The following BTBD7 variants were observed in gnomAD, a reference collection of about 807,000 sequenced individuals.
The protein encoded by BTBD7 is BTB domain containing 7, also known as BTB/POZ domain-containing protein 7.
Under a neutral mutation model 99.9 loss-of-function variants are expected in BTBD7, and 38 were observed. That is an observed-to-expected ratio of 0.38 (90% CI 0.29 to 0.50). The LOEUF (loss-of-function observed/expected upper bound fraction) is 0.50, where lower values mean the gene tolerates loss of function less well. Among genes scored for constraint, BTBD7 ranks in the 20% least tolerant of loss-of-function variants. The pLI is 0.93. For missense variants in BTBD7, 1,170 were observed against 1,394.6 expected (o/e 0.84, Z 2.57); for synonymous variants, 520 against 511.4 (o/e 1.02, Z -0.23).
At position 93,332,631 on chromosome 14, in the gene BTBD7, CCGCCG is replaced by C. The variant is rs964344546; in HGVS notation, c.-107+184_-107+188del. Among the ~76,000 whole-genome samples the C allele has an allele frequency of 3.6e-4, 54 of 151,816 alleles. 1 individual carries two copies. The highest frequency in any genetic ancestry group is 1.2e-3 in the African/African-American group (51 of 41,492). ...CGCACAGAGACCGGCCAGTCCGGCG[CCGCCG>C]CGCCTCAGCCCCAGACGGACGACTG... On this transcript the variant is annotated intron_variant, in intron 1 of 10. Transcript: ENST00000334746.
chr14:93,324,059 C>T (rs1434652803), intron 1 of BTBD7, among the ~76,000 whole-genome samples: 2 of 152,294 alleles, frequency 1.3e-5, no homozygotes, highest in East Asian at 1.9e-4. Context: ...GAACATATGA[C>T]TATTGTGCAA....
chr14:93,288,846 T>G, intron 3 of BTBD7: 2 of 1,262,630 alleles, frequency 1.6e-6, no homozygotes, highest in Non-Finnish European at 2.1e-6. Flanking sequence ...CTCCAGTTTC[T>G]TCTTGTATTT....
chr14:93,262,091 T>C (rs151205289), intron 4 of BTBD7, among the ~76,000 whole-genome samples: 2,808 of 151,636 alleles, frequency 0.019, 78 homozygotes, highest in African/African-American at 0.064. Flanking sequence ...TTCAGCCTCC[T>C]GAGCAGCTGG....
Position 93,294,908 on chromosome 14 carries a change from C to A in BTBD7, c.112G>T (p.Gly38Cys). The A allele has an allele frequency of 6.3e-7, 1 of 1,598,248 alleles. No individual in the cohort carries two copies. The highest frequency in any genetic ancestry group is 8.5e-7 in the Non-Finnish European group (1 of 1,175,958). Residue 38 changes from glycine to cysteine, a missense_variant, in exon 3 of 11, where the codon GGT becomes TGT. Physicochemically the swap from Gly to Cys is radical, Grantham distance 159. Transcript: ENST00000334746. ...AGGCTATACAACTTTGATTCGCAAC[C>A]ATAGCCTTGCTGAGAATAGGATGAG... Reference protein sequence around the residue: ...GTSSYSQQGYGCESKLYSLDH... With the variant: ...GTSSYSQQGYCCESKLYSLDH...
chr14:93,305,141 C>T (rs567566711), intron 1 of BTBD7, among the ~76,000 whole-genome samples: 65 of 152,274 alleles, frequency 4.3e-4, no homozygotes, highest in African/African-American at 1.5e-3. Flanking sequence ...CTTCACATTA[C>T]GGAGACTGAG....
Position 93,242,628 on chromosome 14 carries a change from C to T in BTBD7, c.3044G>A (p.Gly1015Glu), listed in dbSNP as rs1417171703. Residue 1015 changes from glycine (G) to glutamate (E), a missense_variant, in exon 11 of 11, where the codon GGG (glycine) becomes GAG (glutamate). Physicochemically the swap from Gly to Glu is moderately conservative, Grantham distance 98 (BLOSUM62 -2). Coordinates refer to ENST00000334746, the MANE Select transcript of BTBD7 (RefSeq NM_001002860.4). ...CTCATTCTTTTGTCTGTGTAGATGC[C>T]CGTCAGGGGAAAGTGGATATTCTCT... The part of the protein sequence containing the change: ...ARREYPLSPD[G>E]HLHRQKNEPI... 6.2e-7 allele frequency: 1 copy of T among 1,614,084 alleles called. No individual in the cohort carries two copies. Among genetic ancestry groups the T allele is most frequent in the Admixed American group, 1.7e-5 (1 of 60,012 alleles).
intron 3 of BTBD7, among the ~76,000 whole-genome samples, chr14:93,289,364 T>A (rs2052819578): frequency 6.6e-6 from 1 of 152,206 alleles, no homozygotes; most frequent in Non-Finnish European, 1.5e-5. Context: ...TAAAATCAAC[T>A]CTGTCTTTTT....
chr14:93,282,335 CTTTT>C (rs71129622), intron 3 of BTBD7, among the ~76,000 whole-genome samples: 19 of 139,998 alleles, frequency 1.4e-4, no homozygotes, highest in East Asian at 2.1e-4. Flanking sequence ...ATGCTTTTTT[CTTTT>C]TTTTTTTTTT....
At chr14:93,310,831 A>G (rs2053128998) in intron 1 of BTBD7, among the ~76,000 whole-genome samples, 1 of 137,590 alleles carries the variant, frequency 7.3e-6, no homozygotes, top group South Asian at 2.2e-4. Context: ...ATGTACTTCC[A>G]ACAGTTAAGT....
At chr14:93,281,337 G>A (rs1459109266) in intron 3 of BTBD7, among the ~76,000 whole-genome samples, 10 of 151,656 alleles carry the variant, frequency 6.6e-5, no homozygotes, top group Non-Finnish European at 1.3e-4. Context: ...GAGTTTCACC[G>A]TGTTGCCTAG....
At chr14:93,302,956 T>C (rs1410497510) in intron 1 of BTBD7, among the ~76,000 whole-genome samples, 1 of 152,126 alleles carries the variant, frequency 6.6e-6, no homozygotes, top group Admixed American at 6.5e-5. Context: ...GAGGTTGCAG[T>C]GAGCTATGAG....
At chr14:93,285,384 T>C (rs1302765237) in intron 3 of BTBD7, among the ~76,000 whole-genome samples, 1 of 152,190 alleles carries the variant, frequency 6.6e-6, no homozygotes, top group Non-Finnish European at 1.5e-5. Flanking sequence ...ACTAAAAATA[T>C]GGGCAAATGC....
chr14:93,256,164 C>T (rs980573029), intron 6 of BTBD7: 8 of 152,008 alleles, frequency 5.3e-5, no homozygotes, highest in Admixed American at 2.6e-4. Flanking sequence ...GCCAGTGAAA[C>T]GATGGTTTAA....
At chr14:93,323,927 C>T (rs2053298277) in intron 1 of BTBD7, among the ~76,000 whole-genome samples, 1 of 152,222 alleles carries the variant, frequency 6.6e-6, no homozygotes. Flanking sequence ...TTGTGTGACA[C>T]TATTAGACAC....
intron 1 of BTBD7, among the ~76,000 whole-genome samples, chr14:93,299,524 G>A (rs2052967922): frequency 6.6e-6 from 1 of 152,126 alleles, no homozygotes; most frequent in Admixed American, 6.5e-5. Context: ...CCCAGAATAT[G>A]CAAAAGGCTG....
At chr14:93,295,006 T>C in intron 2 of BTBD7, 69 bp from the exon 3 acceptor site, 1 of 1,416,292 alleles carries the variant, frequency 7.1e-7, no homozygotes. Flanking sequence ...TTAACATTTT[T>C]CATGTTGAAA....
chr14:93,303,347 T>A (rs2053027902), intron 1 of BTBD7, among the ~76,000 whole-genome samples: 1 of 151,980 alleles, frequency 6.6e-6, no homozygotes, highest in African/African-American at 2.4e-5. Flanking sequence ...CACATGCCTG[T>A]AATCCTGGCA....
Position 93,296,259 on chromosome 14 carries a change from C to A in BTBD7, c.-106-102G>T, listed in dbSNP as rs558327509. The A allele has an allele frequency of 1.6e-5, 13 of 789,682 alleles. No homozygotes were observed. In the African/African-American group the frequency reaches 2.1e-4, roughly 12 times the overall value. 48.9% of individuals were successfully genotyped at this position (789,682 alleles called of 1,614,324 possible). The stretch of plus-strand genomic sequence containing the variant: ...GAAAACTGCTTTCATTCACAAATAA[C>A]AACACGCTGTCAAATTCACATGTCA... On this transcript the variant is annotated intron_variant, in intron 1 of 10. Coordinates refer to ENST00000334746, the MANE Select transcript of BTBD7 (RefSeq NM_001002860.4).
intron 1 of BTBD7, among the ~76,000 whole-genome samples, chr14:93,314,365 C>T (rs1012503503): frequency 6.6e-6 from 1 of 151,948 alleles, no homozygotes; most frequent in Admixed American, 6.6e-5. Flanking sequence ...TACACTAAAT[C>T]CTAAAATTAA....
Sources: gnomAD v4.1 joint callset for allele counts (sites outside exome capture counted in the v4.1 genomes callset) on GRCh38, gnomAD v4.1.1 for gene constraint, MANE v1.5 for transcripts, NCBI Gene and HGNC (gene_info 2026-07-23, HGNC 2026-07-21) for gene names.